Variants in TMEM53 observed in about 807,000 individuals in gnomAD.
TMEM53 encodes novel DUF829 domain-containing protein.
Under a neutral mutation model 21.4 loss-of-function variants are expected in TMEM53, and 14 were observed. That is an observed-to-expected ratio of 0.65 (90% CI 0.43 to 1.02). The LOEUF (loss-of-function observed/expected upper bound fraction) is 1.02, where lower values mean the gene tolerates loss of function less well. Among genes scored for constraint, TMEM53 ranks in the 50% least tolerant of loss-of-function variants. The pLI is 0.00. For synonymous variants in TMEM53, 148 were observed against 157.4 expected, an observed-to-expected ratio of 0.94 and a Z score of 0.45; for missense variants, 323 against 383.6, an observed-to-expected ratio of 0.84 and a Z score of 1.32.
At position 44,655,234 on chromosome 1, in the gene TMEM53, C is replaced by G. The variant is rs1211060837; in HGVS notation, c.184-25G>C. On this transcript the variant is annotated intron_variant, in intron 2 of 2. Coordinates refer to ENST00000372237, the MANE Select transcript of TMEM53 (RefSeq NM_024587.4). This position sits in a 1 kb window ranked among gnomAD's most constrained non-coding sequence, Gnocchi z 4.4. ...CCTGGGGAGAGAGGCCTGGTCAGTC[C>G]TCACAGATGAGGTGGGGGTAGTGGG... is the stretch of plus-strand genomic sequence containing the variant. The G allele has an allele frequency of 8.3e-6, 13 of 1,566,626 alleles. No individual in the cohort carries two copies. The highest frequency in any genetic ancestry group is 1.0e-5 in the Non-Finnish European group (12 of 1,155,898).
intron 2 of TMEM53, among the ~76,000 whole-genome samples, chr1:44,659,450 A>G (rs931548309): frequency 6.6e-6 from 1 of 152,244 alleles, no homozygotes; most frequent in Non-Finnish European, 1.5e-5. Context: ...GGCCCTCTGC[A>G]GTTACCACAG....
intron 1 of TMEM53, among the ~76,000 whole-genome samples, chr1:44,668,269 G>A (rs934528449): frequency 3.3e-5 from 5 of 151,940 alleles, no homozygotes; most frequent in Admixed American, 6.6e-5. Flanking sequence ...GTGAAACCCC[G>A]TCTCTACTAA....
At chr1:44,668,310 G>T (rs946057082) in intron 1 of TMEM53, among the ~76,000 whole-genome samples, 1 of 151,982 alleles carries the variant, frequency 6.6e-6, no homozygotes, top group Non-Finnish European at 1.5e-5. Context: ...GCGTGGTGGC[G>T]GGCGCCTATA....
intron 2 of TMEM53, among the ~76,000 whole-genome samples, chr1:44,657,787 T>C (rs972025042): frequency 3.3e-5 from 5 of 152,174 alleles, no homozygotes; most frequent in Non-Finnish European, 7.3e-5. Context: ...GTGATCCTCC[T>C]TTCTGAGCCT....
rs1644887649 is a variant in TMEM53, at chr1:44,660,170, T to C, written c.183+4A>G. Reference sequence around the variant, plus strand: ...CCCAGGGGAGAGGGCACCAGAGTACTCACCCTTTTGTGGTAGATGGCACTG... The same window carrying C: ...CCCAGGGGAGAGGGCACCAGAGTACCCACCCTTTTGTGGTAGATGGCACTG... On this transcript the variant is annotated splice_donor_region_variant and intron_variant, in intron 2 of 2. Coordinates refer to ENST00000372237, the MANE Select transcript of TMEM53 (RefSeq NM_024587.4). 3.2e-5 allele frequency: 51 copies of C among 1,613,578 alleles called. No individual in the cohort carries two copies. The highest frequency in any genetic ancestry group is 4.3e-5 in the Non-Finnish European group (51 of 1,179,792).
At chr1:44,673,891 C>T in intron 1 of TMEM53, 1 of 985,382 alleles carries the variant, frequency 1.0e-6, no homozygotes, top group Non-Finnish European at 1.2e-6. Flanking sequence ...TTCTGAGTCC[C>T]GGGCTTCTGC....
chr1:44,669,060 T>C (rs1272147870), intron 1 of TMEM53, among the ~76,000 whole-genome samples: 1 of 152,188 alleles, frequency 6.6e-6, no homozygotes, highest in Non-Finnish European at 1.5e-5. Flanking sequence ...ATAATAGCTA[T>C]AGAGGGCTTA....
intron 1 of TMEM53, among the ~76,000 whole-genome samples, chr1:44,668,506 C>CT (rs1226133548): frequency 1.2e-4 from 18 of 152,088 alleles, no homozygotes; most frequent in Admixed American, 1.2e-3. Flanking sequence ...CCCAGAAAAA[C>CT]TTTCTAGTGT....
intron 1 of TMEM53, among the ~76,000 whole-genome samples, chr1:44,671,150 G>A (rs1644996860): frequency 6.6e-6 from 1 of 152,224 alleles, no homozygotes; most frequent in African/African-American, 2.4e-5. Context: ...AATGAAGTAA[G>A]AGAGGGTATT....
chr1:44,667,220 G>T lies in TMEM53; in HGVS notation c.62-6925C>A, dbSNP rs1644956027. 3.3e-5 allele frequency among the ~76,000 whole-genome samples: 5 copies of T among 151,792 alleles called. No homozygotes were observed. In the South Asian group the frequency reaches 1.0e-3, roughly 31 times the overall value. ...AATGTTATTATTTTTAAAAATAATAGTAATACATTAAGTGAAAACACAAGT... is the reference window on the plus strand; with the variant it reads ...AATGTTATTATTTTTAAAAATAATATTAATACATTAAGTGAAAACACAAGT... On this transcript the variant is annotated intron_variant, in intron 1 of 2. Coordinates refer to ENST00000372237, the MANE Select transcript of TMEM53 (RefSeq NM_024587.4).
chr1:44,660,713 G>A (rs1039390527), intron 1 of TMEM53, among the ~76,000 whole-genome samples: 16 of 151,950 alleles, frequency 1.1e-4, no homozygotes, highest in African/African-American at 2.9e-4. Context: ...GGCTGGGCGC[G>A]GTGGCTCACG....
At chr1:44,656,569 T>C (rs1429967920) in intron 2 of TMEM53, among the ~76,000 whole-genome samples, 1 of 152,064 alleles carries the variant, frequency 6.6e-6, no homozygotes, top group Admixed American at 6.6e-5. Flanking sequence ...GGCCTTTCAG[T>C]CCCCACTGTA....
rs1008711638 is a variant in TMEM53 at position 44,655,457 on chromosome 1, C to T, written c.184-248G>A. On this transcript the variant is annotated intron_variant, in intron 2 of 2. Coordinates refer to ENST00000372237, the MANE Select transcript of TMEM53 (RefSeq NM_024587.4). The surrounding 1 kb of genome is among the most constrained non-coding windows in gnomAD (Gnocchi z 4.4). ...CTAATTGCTTCATGCTGGCCAAGCC[C>T]TCTTGGCCTGGAGTGGTATTTGAGG... is the stretch of plus-strand genomic sequence containing the variant. 4.6e-5 allele frequency among the ~76,000 whole-genome samples: 7 copies of T among 152,190 alleles called. No individual in the cohort carries two copies. Among genetic ancestry groups the T allele is most frequent in the Non-Finnish European group, 7.4e-5 (5 of 68,024 alleles).
At chr1:44,674,079 A>T in intron 1 of TMEM53, 7 of 985,454 alleles carry the variant, frequency 7.1e-6, no homozygotes, top group Non-Finnish European at 8.4e-6. Flanking sequence ...GACAGGAAAG[A>T]CAGAAAAAGA....
intron 1 of TMEM53, among the ~76,000 whole-genome samples, chr1:44,662,149 G>A (rs955467031): frequency 1.3e-5 from 2 of 152,218 alleles, no homozygotes; most frequent in African/African-American, 4.8e-5. Flanking sequence ...ATTTCCTGTG[G>A]AAATTAATGT....
chr1:44,656,109 ACT>A (rs928309624), intron 2 of TMEM53, among the ~76,000 whole-genome samples: 1 of 151,928 alleles, frequency 6.6e-6, no homozygotes, highest in Non-Finnish European at 1.5e-5. Context: ...GGGGAATGTG[ACT>A]TTGGAGAGTG....
rs1485380938 is a variant in TMEM53 at position 44,655,700 on chromosome 1, G to A, written c.184-491C>T. Among the ~76,000 whole-genome samples, 1 of 152,038 alleles carries A rather than the reference G, an allele frequency of 6.6e-6. No individual in the cohort carries two copies. Among genetic ancestry groups the A allele is most frequent in the East Asian group, 1.9e-4 (1 of 5,180 alleles). ...ACCCCCATGAGACCAGTACCCGAGA[G>A]CTGGCCTGCAGGCGCCAGCCCTGAC... On this transcript the variant is annotated intron_variant, in intron 2 of 2. Coordinates refer to ENST00000372237, the MANE Select transcript of TMEM53 (RefSeq NM_024587.4). The surrounding 1 kb of genome is among the most constrained non-coding windows in gnomAD (Gnocchi z 4.4).
intron 1 of TMEM53, among the ~76,000 whole-genome samples, chr1:44,668,321 G>T (rs1644967139): frequency 6.6e-6 from 1 of 152,026 alleles, no homozygotes; most frequent in Non-Finnish European, 1.5e-5. Flanking sequence ...GGCGCCTATA[G>T]TCCCAGCTAC....
chr1:44,671,733 A>T (rs1242856191), intron 1 of TMEM53, among the ~76,000 whole-genome samples: 1 of 152,250 alleles, frequency 6.6e-6, no homozygotes, highest in Non-Finnish European at 1.5e-5. Flanking sequence ...GTTCAAGACC[A>T]GCCTAACCAA....
Sources: gnomAD v4.1 joint callset for allele counts (sites outside exome capture counted in the v4.1 genomes callset) on GRCh38, gnomAD v4.1.1 for gene constraint, Gnocchi (gnomAD v3.1) non-coding constraint, MANE v1.5 for transcripts, NCBI Gene and HGNC (gene_info 2026-07-23, HGNC 2026-07-21) for gene names.